MDM1: variants seen among roughly 807,000 people sequenced by gnomAD.
MDM1 encodes stabilizer of axonemal microtubules 6, also known as Mdm1 nuclear protein.
A neutral mutation model predicts 89.1 loss-of-function variants in MDM1; 61 were observed. That is an observed-to-expected ratio of 0.68 (90% CI 0.56 to 0.85). MDM1 has a LOEUF of 0.85. Ranked by LOEUF, MDM1 falls within the 40% of genes least tolerant of loss-of-function variation. The pLI is 0.00. For synonymous variants in MDM1, 290 were observed against 294.1 expected (o/e 0.99, Z 0.14); for missense variants, 820 against 846.5 (o/e 0.97, Z 0.39).
intron 3 of MDM1, chr12:68,326,427 T>TC: frequency 6.9e-7 from 1 of 1,454,098 alleles, no homozygotes; most frequent in Non-Finnish European, 9.0e-7. Flanking sequence ...AGGAGGTCCA[T>TC]CCAATAAACA....
At chr12:68,329,522 A>G (rs1462950069) in intron 2 of MDM1, among the ~76,000 whole-genome samples, 1 of 152,184 alleles carries the variant, frequency 6.6e-6, no homozygotes, top group Non-Finnish European at 1.5e-5. Flanking sequence ...GCAACATCTC[A>G]TTTAAACCCT....
At chr12:68,298,228 A>G (rs1211908122) in intron 13 of MDM1, among the ~76,000 whole-genome samples, 4 of 152,174 alleles carry the variant, frequency 2.6e-5, no homozygotes, top group African/African-American at 9.7e-5. Context: ...ACCCTAGCTG[A>G]CCAGTGGTCC....
chr12:68,315,244 A>G lies in MDM1; in HGVS notation c.1233T>C (p.Thr411=), dbSNP rs761264412. The part of the protein sequence containing the change: ...DLAGDPTSHK[T]LQKCPSTEPE... ...GTTCTGTAGAAGGACATTTCTGCAA[A>G]GTCTTATGGCTTGTAGGATCTCTGC... Residue 411 remains threonine, a synonymous_variant, in exon 10 of 15, where the codon ACT becomes ACC. Coordinates refer to ENST00000682720, the MANE Select transcript of MDM1 (RefSeq NM_001354969.2). 2.5e-6 allele frequency: 4 copies of G among 1,613,780 alleles called. No homozygotes were observed. In the African/African-American group the frequency reaches 4.0e-5, roughly 16 times the overall value.
At chr12:68,309,063 C>A (rs1223862719) in intron 12 of MDM1, among the ~76,000 whole-genome samples, 33 of 152,236 alleles carry the variant, frequency 2.2e-4, no homozygotes, top group Admixed American at 2.2e-3. Context: ...GGCAGCCGGA[C>A]AGATCTTGCA....
rs1056266820 is a variant in MDM1, at chr12:68,322,974, T to C, written c.801+99A>G. 13 of 1,183,504 alleles carry C rather than the reference T, an allele frequency of 1.1e-5. No individual in the cohort carries two copies. The African/African-American group carries it at 2.1e-4, about 19-fold the overall frequency. The allele number at this position is 1,183,504 out of a possible 1,614,324, so 73.3% of individuals were successfully genotyped here. On this transcript the variant is annotated intron_variant, in intron 5 of 14. Coordinates refer to ENST00000682720, the MANE Select transcript of MDM1 (RefSeq NM_001354969.2). ...ATGAACAAATGAATTAATGAACTAG[T>C]GAAAACCAAAAACTCCCAGGTGGTA...
At chr12:68,297,889 A>C (rs1871620306) in intron 13 of MDM1, among the ~76,000 whole-genome samples, 1 of 152,242 alleles carries the variant, frequency 6.6e-6, no homozygotes, top group Non-Finnish European at 1.5e-5. Flanking sequence ...AATCTTTTTA[A>C]AAAACTAACA....
intron 1 of MDM1, among the ~76,000 whole-genome samples, chr12:68,331,510 C>A (rs1399543973): frequency 6.6e-6 from 1 of 152,150 alleles, no homozygotes; most frequent in Non-Finnish European, 1.5e-5. Flanking sequence ...GAGTTCTTGT[C>A]GGATAACTAA....
chr12:68,312,227 C>T (rs1205702552), intron 12 of MDM1, among the ~76,000 whole-genome samples: 1 of 152,188 alleles, frequency 6.6e-6, no homozygotes, highest in African/African-American at 2.4e-5. Context: ...CTCCTCTACA[C>T]TCCAAACCTA....
At chr12:68,300,337 C>A (rs1470201712) in intron 13 of MDM1, among the ~76,000 whole-genome samples, 1 of 152,058 alleles carries the variant, frequency 6.6e-6, no homozygotes, top group Non-Finnish European at 1.5e-5. Flanking sequence ...CCTCACGTCT[C>A]AATATTAACA....
chr12:68,323,291 CT>C, intron 4 of MDM1, 51 bp from the exon 5 acceptor site: 1 of 1,350,734 alleles, frequency 7.4e-7, no homozygotes, highest in East Asian at 2.5e-5. Context: ...ATATGCGGAA[CT>C]TTGGTCTTCA....
chr12:68,299,942 A>G (rs1038586792), intron 13 of MDM1, among the ~76,000 whole-genome samples: 1 of 152,228 alleles, frequency 6.6e-6, no homozygotes, highest in African/African-American at 2.4e-5. Context: ...GGCAAAAAGC[A>G]TCAGGTAACT....
chr12:68,332,326 C>T lies in MDM1; in HGVS notation c.-81G>A. The T allele has an allele frequency of 1.4e-6, 2 of 1,462,496 alleles. No homozygotes were observed. The highest frequency in any genetic ancestry group is 9.1e-7 in the Non-Finnish European group (1 of 1,095,684). 90.6% of individuals were successfully genotyped at this position (1,462,496 alleles called of 1,614,324 possible). On this transcript the variant is annotated 5_prime_UTR_variant, in exon 1 of 15. Coordinates refer to ENST00000682720, the MANE Select transcript of MDM1 (RefSeq NM_001354969.2). ...GAGGGGGCGGGGCGATAACAGTGTT[C>T]CCTAGCAAAGCCTCGGCCCGGCGTC...
intron 12 of MDM1, 77 bp from the exon 13 acceptor site, chr12:68,302,949 CA>C (rs1375080591): frequency 3.8e-6 from 5 of 1,303,628 alleles, no homozygotes; most frequent in Non-Finnish European, 4.1e-6. Flanking sequence ...CATTTAAATG[CA>C]AAAAACATAA....
chr12:68,298,007 C>A (rs1871638164), intron 13 of MDM1, among the ~76,000 whole-genome samples: 2 of 152,254 alleles, frequency 1.3e-5, no homozygotes, highest in African/African-American at 2.4e-5. Context: ...AGTTTTATAA[C>A]CCTGCCCAGG....
chr12:68,300,577 C>A (rs978055413), intron 13 of MDM1, among the ~76,000 whole-genome samples: 3 of 152,198 alleles, frequency 2.0e-5, no homozygotes, highest in African/African-American at 4.8e-5. Context: ...CATCATATAA[C>A]GATAAAAAGG....
At position 68,314,978 on chromosome 12, in the gene MDM1, T is replaced by C. The variant is rs774014950; in HGVS notation, c.1499A>G (p.Glu500Gly). The C allele has an allele frequency of 1.2e-6, 2 of 1,614,126 alleles. No homozygotes were observed. The highest frequency in any genetic ancestry group is 1.7e-6 in the Non-Finnish European group (2 of 1,179,966). The change falls in exon 10 of 15, where the codon GAG becomes GGG. Residue 500 changes from glutamate to glycine, a missense_variant. Glu to Gly is a moderately conservative substitution (Grantham distance 98). Transcript: ENST00000682720. ...TTTCATCTTATCTGCCTTAGATTTC[T>C]CACGTACATCCAACTTCTCTTGCTC... ...MGEQEKLDVREKSKADKMKEG... is the reference protein window; with the variant it reads ...MGEQEKLDVRGKSKADKMKEG...
rs1456224999 is a variant in MDM1, at chr12:68,316,106, T to A, written c.1183A>T (p.Ser395Cys). Reference sequence around the variant, plus strand: ...GCAAGATCTAATGCTCTGATGTTGCTACTAACGGTTCCTTCTGAGCTTGTG... The same window carrying A: ...GCAAGATCTAATGCTCTGATGTTGCAACTAACGGTTCCTTCTGAGCTTGTG... Reference protein sequence around the residue: ...STTSSEGTVSSNIRALDLAGD... With the variant: ...STTSSEGTVSCNIRALDLAGD... The change falls in exon 9 of 15, where the codon AGC becomes TGC. Residue 395 changes from serine to cysteine, a missense_variant. By Grantham distance (112) the Ser-to-Cys change is moderately radical. Transcript: ENST00000682720. 3 of 1,613,038 alleles carry A rather than the reference T, an allele frequency of 1.9e-6. No individual in the cohort carries two copies. Among genetic ancestry groups the A allele is most frequent in the Non-Finnish European group, 2.5e-6 (3 of 1,179,584 alleles).
chr12:68,325,848 C>T, intron 3 of MDM1: 1 of 1,055,518 alleles, frequency 9.5e-7, no homozygotes, highest in Non-Finnish European at 1.1e-6. Context: ...TCAGTCCTTT[C>T]CTACTAATCA....
rs57694604 is a variant in MDM1, at chr12:68,305,932, G to A, written c.1750-3060C>T. Among the ~76,000 whole-genome samples, 484 of 135,718 alleles carry A rather than the reference G, an allele frequency of 3.6e-3. 5 individuals carry two copies. The highest frequency in any genetic ancestry group is 0.012 in the African/African-American group (444 of 36,488). 89.0% of individuals were successfully genotyped at this position (135,718 alleles called of 152,430 possible). ...TCATAAGGAAGCAAAAAAAAAAAAA[G>A]GGCCCAAAGCAATCCTAAGCAAAAA... On this transcript the variant is annotated intron_variant, in intron 12 of 14. Transcript: ENST00000682720.
Sources: gnomAD v4.1 joint callset for allele counts (sites outside exome capture counted in the v4.1 genomes callset) on GRCh38, gnomAD v4.1.1 for gene constraint, MANE v1.5 for transcripts, NCBI Gene and HGNC (gene_info 2026-07-23, HGNC 2026-07-21) for gene names.